The following CHD6 variants were observed in gnomAD, a reference collection of about 807,000 sequenced individuals.
CHD6 encodes ATP-dependent chromatin remodeler CHD6.
A neutral mutation model predicts 276.9 loss-of-function variants in CHD6; 50 were observed. The observed-to-expected ratio is 0.18, with a 90% confidence interval of 0.14 to 0.23. CHD6 has a LOEUF of 0.23. CHD6 is among the 10% of genes least tolerant of loss of function. The pLI, the probability that CHD6 is intolerant of heterozygous loss-of-function variation, is 1.00. For missense variants in CHD6, 2,564 were observed against 3,365.8 expected (o/e 0.76, Z 5.89); for synonymous variants, 1,173 against 1,229.3 (o/e 0.95, Z 0.96).
intron 31 of CHD6, among the ~76,000 whole-genome samples, chr20:41,419,196 A>G (rs1417776129): frequency 1.3e-5 from 2 of 152,110 alleles, no homozygotes. Flanking sequence ...TTTTTATCTT[A>G]GCTAGTATGT....
At chr20:41,422,451 C>T (rs2047225593) in intron 30 of CHD6, among the ~76,000 whole-genome samples, 1 of 151,830 alleles carries the variant, frequency 6.6e-6, no homozygotes, top group Non-Finnish European at 1.5e-5. Context: ...CCAGCCCGGG[C>T]AACAAAGTGA....
chr20:41,478,941 C>T (rs2043228930), intron 16 of CHD6, among the ~76,000 whole-genome samples: 1 of 152,110 alleles, frequency 6.6e-6, no homozygotes, highest in Non-Finnish European at 1.5e-5. Flanking sequence ...AACTTTAAAG[C>T]TGCTATTATG....
At chr20:41,584,939 T>C (rs1404860315) in intron 1 of CHD6, among the ~76,000 whole-genome samples, 2 of 151,916 alleles carry the variant, frequency 1.3e-5, no homozygotes, top group Non-Finnish European at 2.9e-5. Flanking sequence ...GAAATCATAA[T>C]GAACGAAAAT....
chr20:41,415,554 C>G lies in CHD6; in HGVS notation c.6571G>C (p.Ala2191Pro), dbSNP rs199760289. ...YEFEVERDAK[A>P]RGLEQFSATH... Reference sequence around the variant, plus strand: ...GCAGAGAACTGCTCCAGGCCCCGAGCCTTTGCATCCCTCTCCACCTCAAAC... The same window carrying G: ...GCAGAGAACTGCTCCAGGCCCCGAGGCTTTGCATCCCTCTCCACCTCAAAC... The change falls in exon 34 of 37, where the codon GCT (alanine) becomes CCT (proline). Residue 2191 changes from alanine to proline, a missense_variant. Physicochemically the swap from Ala to Pro is conservative, Grantham distance 27. This residue lies in a region of CHD6 where 1,024 missense variants were observed against 1,047.9 expected (regional missense o/e 0.98). Transcript: ENST00000373233. The G allele has an allele frequency of 1.5e-5, 25 of 1,614,038 alleles. No homozygotes were observed. The highest frequency in any genetic ancestry group is 5.1e-6 in the Non-Finnish European group (6 of 1,180,002).
intron 4 of CHD6, 99 bp downstream of exon 4, chr20:41,514,706 G>T: frequency 7.4e-7 from 1 of 1,349,526 alleles, no homozygotes. Flanking sequence ...GGGCTAGGGA[G>T]TGTGCTAGAG....
At chr20:41,498,891 T>G (rs1003968208) in intron 6 of CHD6, among the ~76,000 whole-genome samples, 4 of 151,826 alleles carry the variant, frequency 2.6e-5, no homozygotes, top group African/African-American at 9.7e-5. Context: ...CCCAGGTTGG[T>G]CTTGAACTAC....
chr20:41,588,431 A>G (rs943739906), intron 1 of CHD6, among the ~76,000 whole-genome samples: 2 of 152,188 alleles, frequency 1.3e-5, no homozygotes, highest in African/African-American at 4.8e-5. Flanking sequence ...CAGAGGCACT[A>G]GAGGATAAGC....
In CHD6 at chr20:41,409,730, G is replaced by A. The variant is rs140329816; in HGVS notation, c.7251+2414C>T. On this transcript the variant is annotated intron_variant, in intron 36 of 36. Coordinates refer to ENST00000373233, the MANE Select transcript of CHD6 (RefSeq NM_032221.5). ...AATCTGAATATAGACTAGATAACAAGTATTATTAATATGCATGTGTAATAA... is the reference window on the plus strand; with the variant it reads ...AATCTGAATATAGACTAGATAACAAATATTATTAATATGCATGTGTAATAA... 7.3e-3 allele frequency among the ~76,000 whole-genome samples: 1,112 copies of A among 152,236 alleles called. 38 individuals are homozygous for A. Among genetic ancestry groups the A allele is most frequent in the Admixed American group, 0.062 (948 of 15,294 alleles).
chr20:41,402,793 C>A lies in CHD6; in HGVS notation c.*1800G>T, dbSNP rs552543937. 4.8e-6 allele frequency: 1 copy of A among 210,174 alleles called. No homozygotes were observed. Among genetic ancestry groups the A allele is most frequent in the Non-Finnish European group, 9.7e-6 (1 of 103,542 alleles). The allele number at this position is 210,174 out of a possible 1,614,324, so 13.0% of individuals were successfully genotyped here. A position where few individuals can be genotyped will look rare whatever the true frequency, so the allele number is the denominator to read the frequency against. ...TGCTTCCACTGGAGGCAAAACTGAACAAAATGTTAGTTAAATAGAGAGAGC... is the reference window on the plus strand; with the variant it reads ...TGCTTCCACTGGAGGCAAAACTGAAAAAAATGTTAGTTAAATAGAGAGAGC... On this transcript the variant is annotated 3_prime_UTR_variant, in exon 37 of 37. Transcript: ENST00000373233.
chr20:41,433,705 G>A (rs1474087952), intron 27 of CHD6, among the ~76,000 whole-genome samples: 1 of 152,126 alleles, frequency 6.6e-6, no homozygotes, highest in Non-Finnish European at 1.5e-5. Context: ...GGTAAATATA[G>A]CATATTTTCC....
intron 1 of CHD6, among the ~76,000 whole-genome samples, chr20:41,617,984 G>A (rs1217143061): frequency 2.7e-5 from 4 of 146,428 alleles, no homozygotes; most frequent in South Asian, 4.2e-4. Flanking sequence ...CCGCCCGCCA[G>A]GCCCGCGGCC....
At chr20:41,585,170 A>G (rs1379912545) in intron 1 of CHD6, among the ~76,000 whole-genome samples, 1 of 152,200 alleles carries the variant, frequency 6.6e-6, no homozygotes, top group Non-Finnish European at 1.5e-5. Context: ...GATAAGTTGA[A>G]TAACTCCACA....
intron 23 of CHD6, among the ~76,000 whole-genome samples, chr20:41,450,253 C>T (rs899356079): frequency 1.1e-4 from 16 of 152,116 alleles, no homozygotes; most frequent in African/African-American, 3.6e-4. Flanking sequence ...CAGAGGTGTG[C>T]GACCGGAGGC....
chr20:41,451,205 G>A (rs1288281728), intron 22 of CHD6, 100 bp from the exon 23 acceptor site: 2 of 1,056,326 alleles, frequency 1.9e-6, no homozygotes, highest in African/African-American at 3.1e-5. Context: ...ACAGAGTTGG[G>A]CTGTGCTCTG....
At chr20:41,460,581 A>G (rs2048513792) in intron 17 of CHD6, among the ~76,000 whole-genome samples, 1 of 152,236 alleles carries the variant, frequency 6.6e-6, no homozygotes, top group Non-Finnish European at 1.5e-5. Flanking sequence ...CAGAGGGTGA[A>G]AGCACCAAAC....
chr20:41,471,203 G>A (rs1025418676), intron 17 of CHD6, among the ~76,000 whole-genome samples: 3 of 152,240 alleles, frequency 2.0e-5, no homozygotes, highest in Non-Finnish European at 4.4e-5. Context: ...ACAAACGGGT[G>A]TGATTATATT....
chr20:41,589,018 C>T (rs533311152), intron 1 of CHD6, among the ~76,000 whole-genome samples: 17 of 152,270 alleles, frequency 1.1e-4, no homozygotes, highest in East Asian at 7.7e-4. Flanking sequence ...GCTTATCCAC[C>T]ATGATCAAGT....
chr20:41,518,912 A>G (rs2044316541), intron 3 of CHD6, among the ~76,000 whole-genome samples: 1 of 152,200 alleles, frequency 6.6e-6, no homozygotes, highest in Non-Finnish European at 1.5e-5. Context: ...AGACATTTCA[A>G]TCTCCAAACT....
At chr20:41,464,532 A>T (rs1405843157) in intron 17 of CHD6, among the ~76,000 whole-genome samples, 1 of 152,230 alleles carries the variant, frequency 6.6e-6, no homozygotes, top group Admixed American at 6.5e-5. Flanking sequence ...CAGAGAAAGA[A>T]GTTACAAATA....
Sources: gnomAD v4.1 joint callset for allele counts (sites outside exome capture counted in the v4.1 genomes callset) on GRCh38, gnomAD v4.1.1 for gene constraint, gnomAD v4.1.1 regional missense constraint, MANE v1.5 for transcripts, NCBI Gene and HGNC (gene_info 2026-07-23, HGNC 2026-07-21) for gene names.